SLCO6A1: variants seen among roughly 807,000 people sequenced by gnomAD.
SLCO6A1 encodes the protein cancer/testis antigen 48.
Under a neutral mutation model 72.7 loss-of-function variants are expected in SLCO6A1, and 65 were observed. The ratio of observed to expected loss-of-function variants is 0.89; its 90% CI spans 0.73 to 1.10. The LOEUF is 1.10. SLCO6A1 is among the 50% of genes least tolerant of loss of function. The pLI is 0.00. For synonymous variants in SLCO6A1, 314 were observed against 298.2 expected (o/e 1.05, Z -0.55); for missense variants, 874 against 872.6 (o/e 1.00, Z -0.02).
chr5:102,456,850 A>C (rs1208826063), intron 6 of SLCO6A1, among the ~76,000 whole-genome samples: 1 of 152,118 alleles, frequency 6.6e-6, no homozygotes, highest in Non-Finnish European at 1.5e-5. Context: ...TGTCTTCAAA[A>C]TATACTACAA....
At position 102,480,250 on chromosome 5, in the gene SLCO6A1, T is replaced by C. The variant is rs749676823; in HGVS notation, c.543A>G (p.Ile181Met). Residue 181 changes from isoleucine to methionine, a missense_variant, in exon 2 of 14, where the codon ATA becomes ATG. Physicochemically the swap from Ile to Met is conservative, Grantham distance 10. Transcript: ENST00000506729. ...AAGCACATAAAAGTGATCCAAGTCC[T>C]ATTAAAAAGGAGGAAGCTACAAACC... ...VIWFVASSFL[I>M]GLGSLLCAFP... 10 of 1,613,080 alleles carry C rather than the reference T, an allele frequency of 6.2e-6. No homozygotes were observed. The highest frequency in any genetic ancestry group is 1.3e-5 in the African/African-American group (1 of 75,004).
chr5:102,469,774 A>G (rs542118503), intron 4 of SLCO6A1, among the ~76,000 whole-genome samples: 3 of 152,290 alleles, frequency 2.0e-5, no homozygotes, highest in Non-Finnish European at 4.4e-5. Context: ...TTGCCCATTC[A>G]GTATGATATT....
intron 1 of SLCO6A1, among the ~76,000 whole-genome samples, chr5:102,486,795 C>T (rs903832250): frequency 1.3e-5 from 2 of 151,996 alleles, no homozygotes; most frequent in Non-Finnish European, 2.9e-5. Flanking sequence ...CCCAAAAATT[C>T]GTGTAAATAT....
rs751211174 is a variant in SLCO6A1, at chr5:102,477,669, A to C, written c.802+7T>G. 3 of 1,608,262 alleles carry C rather than the reference A, an allele frequency of 1.9e-6. No homozygotes were observed. ...GGGTCAATCGTAATAGAGGGGGTAA[A>C]ACTTGCCTAAATAGATACCAGCTGA... On this transcript the variant is annotated splice_region_variant and intron_variant, in intron 3 of 13. Transcript: ENST00000506729.
At chr5:102,473,377 T>A (rs980737522) in intron 4 of SLCO6A1, among the ~76,000 whole-genome samples, 24 of 152,044 alleles carry the variant, frequency 1.6e-4, no homozygotes, top group African/African-American at 5.3e-4. Context: ...AACCACATGA[T>A]CATGTCAATT....
intron 12 of SLCO6A1, among the ~76,000 whole-genome samples, chr5:102,384,235 G>C (rs1475756331): frequency 6.6e-6 from 1 of 151,630 alleles, no homozygotes; most frequent in Non-Finnish European, 1.5e-5. Context: ...GGCTTAGTTT[G>C]TTCTTTTGTT....
chr5:102,468,218 T>C (rs1421084114), intron 4 of SLCO6A1, among the ~76,000 whole-genome samples: 2 of 152,142 alleles, frequency 1.3e-5, no homozygotes, highest in East Asian at 3.8e-4. Flanking sequence ...CTTTCCATTG[T>C]CTTAAATTTA....
intron 6 of SLCO6A1, among the ~76,000 whole-genome samples, chr5:102,440,243 GAGT>G (rs1363622789): frequency 6.6e-6 from 1 of 152,138 alleles, no homozygotes; most frequent in Non-Finnish European, 1.5e-5. Flanking sequence ...TCTATAGAAA[GAGT>G]AAGAGGCCAG....
intron 4 of SLCO6A1, among the ~76,000 whole-genome samples, chr5:102,473,287 G>A (rs1751724592): frequency 6.6e-6 from 1 of 151,962 alleles, no homozygotes; most frequent in African/African-American, 2.4e-5. Flanking sequence ...AATCAAGTGG[G>A]ATTTGTTTCT....
At chr5:102,423,959 A>G (rs1469355541) in intron 7 of SLCO6A1, among the ~76,000 whole-genome samples, 1 of 152,228 alleles carries the variant, frequency 6.6e-6, no homozygotes, top group African/African-American at 2.4e-5. Flanking sequence ...AGATCTCAGG[A>G]TTAAGAAACA....
At chr5:102,461,866 T>C (rs1256276322) in intron 4 of SLCO6A1, among the ~76,000 whole-genome samples, 1 of 152,120 alleles carries the variant, frequency 6.6e-6, no homozygotes, top group Non-Finnish European at 1.5e-5. Context: ...GAACTTCTTG[T>C]CCTAGCCAGA....
At chr5:102,450,967 T>C (rs1264705483) in intron 6 of SLCO6A1, among the ~76,000 whole-genome samples, 2 of 152,054 alleles carry the variant, frequency 1.3e-5, no homozygotes, top group Non-Finnish European at 2.9e-5. Flanking sequence ...GGGCTGTGAG[T>C]TGTCTCTGGA....
chr5:102,384,498 T>A (rs976803214), intron 12 of SLCO6A1, among the ~76,000 whole-genome samples: 1 of 152,060 alleles, frequency 6.6e-6, no homozygotes, highest in African/African-American at 2.4e-5. Flanking sequence ...TTAACTTTTT[T>A]ATATTTTGAT....
chr5:102,464,611 C>A (rs1751219369), intron 4 of SLCO6A1, among the ~76,000 whole-genome samples: 1 of 152,086 alleles, frequency 6.6e-6, no homozygotes, highest in African/African-American at 2.4e-5. Flanking sequence ...CCATTACCAC[C>A]TGAAAAGGTG....
At chr5:102,474,725 CA>C (rs1491002251) in intron 4 of SLCO6A1, among the ~76,000 whole-genome samples, 1 of 151,672 alleles carries the variant, frequency 6.6e-6, no homozygotes, top group East Asian at 1.9e-4. Flanking sequence ...CCAATAGCAA[CA>C]AAAAACAATC....
At chr5:102,444,914 A>G (rs1215027716) in intron 6 of SLCO6A1, among the ~76,000 whole-genome samples, 1 of 152,222 alleles carries the variant, frequency 6.6e-6, no homozygotes, top group South Asian at 2.1e-4. Flanking sequence ...TCATTTTTGT[A>G]TAGCAGCATA....
rs1750739217 is a variant in SLCO6A1 at position 102,373,447 on chromosome 5, A to G, written c.2065T>C (p.Phe689Leu). Residue 689 changes from phenylalanine to leucine, a missense_variant, in exon 13 of 14, where the codon TTC becomes CTC. By Grantham distance (22) the Phe-to-Leu change is conservative. Coordinates refer to ENST00000506729, the MANE Select transcript of SLCO6A1 (RefSeq NM_173488.5). ...CTIIFTTIAF[F>L]IYKRRLNENT... ...TCATTTAGACGACGTTTGTATATGA[A>G]AAATGCAATAGTAGTGAAGATGATA... is the stretch of plus-strand genomic sequence containing the variant. 6.4e-7 allele frequency: 1 copy of G among 1,572,162 alleles called. No individual in the cohort carries two copies. Among genetic ancestry groups the G allele is most frequent in the Non-Finnish European group, 8.6e-7 (1 of 1,161,998 alleles).
At chr5:102,425,105 T>C (rs1748818248) in intron 7 of SLCO6A1, among the ~76,000 whole-genome samples, 1 of 152,138 alleles carries the variant, frequency 6.6e-6, no homozygotes, top group Non-Finnish European at 1.5e-5. Flanking sequence ...AACTAGGTAT[T>C]GATGGAGCAT....
rs114933736 is a variant in SLCO6A1, at chr5:102,458,463, A to G, written c.1050T>C (p.Arg350=). ...PGSTRIKARK[R]KQLHFFDSRL... is the part of the protein sequence containing the mutation. ...TGCTGTCAAAAAAATGAAGCTGTTTACGTTTCCTAGCTTTTATCCGTGTTG... is the reference window on the plus strand; with the variant it reads ...TGCTGTCAAAAAAATGAAGCTGTTTGCGTTTCCTAGCTTTTATCCGTGTTG... Residue 350 remains arginine, a synonymous_variant, in exon 6 of 14, where the codon CGT becomes CGC. Transcript: ENST00000506729. The G allele has an allele frequency of 0.013, 21,655 of 1,612,604 alleles. 166 individuals are homozygous for G. Among genetic ancestry groups the G allele is most frequent in the Non-Finnish European group, 0.017 (19,743 of 1,179,186 alleles).
Sources: allele counts gnomAD v4.1 joint callset (sites outside exome capture counted in the v4.1 genomes callset), GRCh38; gene constraint gnomAD v4.1.1; transcripts MANE v1.5; gene names NCBI Gene and HGNC (gene_info 2026-07-23, HGNC 2026-07-21).